Variants in CCSER1 observed in about 807,000 individuals in gnomAD.
The protein encoded by CCSER1 is serine-rich coiled-coil domain-containing protein 1.
Under a neutral mutation model 82.0 loss-of-function variants are expected in CCSER1, and 41 were observed. The ratio of observed to expected loss-of-function variants is 0.50; its 90% CI spans 0.39 to 0.65. The LOEUF (loss-of-function observed/expected upper bound fraction) is 0.65, where lower values mean the gene tolerates loss of function less well. CCSER1 is among the 30% of genes least tolerant of loss of function. The probability of loss-of-function intolerance (pLI) is 0.00; values close to 1 mark genes in which losing one functional copy is unlikely to be tolerated. For missense variants in CCSER1, 1,119 were observed against 1,064.2 expected, an observed-to-expected ratio of 1.05 and a Z score of -0.72; for synonymous variants, 414 against 383.9, an observed-to-expected ratio of 1.08 and a Z score of -0.92.
intron 10 of CCSER1, among the ~76,000 whole-genome samples, chr4:91,150,411 C>T (rs965837838): frequency 6.6e-6 from 1 of 152,166 alleles, no homozygotes; most frequent in Non-Finnish European, 1.5e-5. Context: ...AATATACAAT[C>T]ATGTCATCTG....
intron 10 of CCSER1, among the ~76,000 whole-genome samples, chr4:91,592,819 AG>A (rs1764327753): frequency 6.6e-6 from 1 of 152,020 alleles, no homozygotes; most frequent in South Asian, 2.1e-4. Flanking sequence ...CTTGTTGTAA[AG>A]CAATATTTTT....
intron 10 of CCSER1, among the ~76,000 whole-genome samples, chr4:91,230,719 T>C (rs543672374): frequency 1.3e-5 from 2 of 152,044 alleles, no homozygotes; most frequent in African/African-American, 4.8e-5. Context: ...ATTTAAAATA[T>C]AGATTTAAGA....
At chr4:90,932,602 C>G (rs1421495040) in intron 9 of CCSER1, among the ~76,000 whole-genome samples, 1 of 151,718 alleles carries the variant, frequency 6.6e-6, no homozygotes, top group Non-Finnish European at 1.5e-5. Flanking sequence ...CCCAGGCGGG[C>G]GAATCACCCG....
At chr4:91,031,793 T>G (rs993714751) in intron 9 of CCSER1, among the ~76,000 whole-genome samples, 2 of 152,152 alleles carry the variant, frequency 1.3e-5, no homozygotes, top group Non-Finnish European at 1.5e-5. Flanking sequence ...TGTAAATGAC[T>G]ACATTATAAC....
At chr4:91,179,532 C>G (rs1171897692) in intron 10 of CCSER1, among the ~76,000 whole-genome samples, 1 of 152,198 alleles carries the variant, frequency 6.6e-6, no homozygotes, top group Admixed American at 6.5e-5. Flanking sequence ...AACTTCTCCT[C>G]TCGCTTCATT....
At chr4:91,192,144 C>G (rs1338095132) in intron 10 of CCSER1, among the ~76,000 whole-genome samples, 7 of 152,320 alleles carry the variant, frequency 4.6e-5, no homozygotes, top group Middle Eastern at 3.4e-3. Flanking sequence ...CATTATCTTT[C>G]TCTCCTGAAT....
At chr4:90,771,512 C>T (rs1283140894) in intron 7 of CCSER1, among the ~76,000 whole-genome samples, 2 of 132,024 alleles carry the variant, frequency 1.5e-5, no homozygotes, top group South Asian at 2.3e-4. Context: ...AAAGGTATAA[C>T]GTTAAAACCC....
intron 1 of CCSER1, among the ~76,000 whole-genome samples, chr4:90,213,696 C>G (rs752794029): frequency 3.3e-5 from 5 of 152,084 alleles, no homozygotes; most frequent in Non-Finnish European, 7.4e-5. Flanking sequence ...GTACTCGACG[C>G]CAAGTAAGGA....
intron 10 of CCSER1, chr4:91,319,682 C>T (rs545626565): frequency 6.6e-6 from 3 of 455,870 alleles, no homozygotes; most frequent in South Asian, 3.1e-5. Flanking sequence ...CCCTTCTCCA[C>T]TTAGTCTTCT....
intron 1 of CCSER1, among the ~76,000 whole-genome samples, chr4:90,199,483 TTTG>T (rs1340648328): frequency 6.6e-6 from 1 of 152,182 alleles, no homozygotes; most frequent in Non-Finnish European, 1.5e-5. Context: ...ATGGTAATGA[TTTG>T]TTAACATGAA....
intron 7 of CCSER1, among the ~76,000 whole-genome samples, chr4:90,736,397 T>G (rs1209065679): frequency 6.6e-6 from 1 of 152,050 alleles, no homozygotes; most frequent in Non-Finnish European, 1.5e-5. Context: ...TTGTGTTGGG[T>G]GTGTATATAT....
intron 1 of CCSER1, among the ~76,000 whole-genome samples, chr4:90,218,475 A>G (rs1047868041): frequency 2.4e-4 from 36 of 152,344 alleles, no homozygotes; most frequent in East Asian, 1.2e-3. Flanking sequence ...AAAAATTGAA[A>G]AAAGAGAGAT....
chr4:90,967,936 T>A (rs1734726825), intron 9 of CCSER1, among the ~76,000 whole-genome samples: 1 of 152,002 alleles, frequency 6.6e-6, no homozygotes. Context: ...TTTATCAGCA[T>A]CACCCCTTTT....
intron 6 of CCSER1, among the ~76,000 whole-genome samples, chr4:90,638,720 C>T (rs149044942): frequency 1.7e-3 from 253 of 152,210 alleles, no homozygotes; most frequent in Non-Finnish European, 2.4e-3. Context: ...AGTATAATTC[C>T]ATGACTCTTG....
intron 10 of CCSER1, among the ~76,000 whole-genome samples, chr4:91,225,309 A>T (rs1352791287): frequency 7.8e-6 from 1 of 128,264 alleles, no homozygotes; most frequent in Admixed American, 8.3e-5. Flanking sequence ...TATATATTAT[A>T]TATGTAATAT....
intron 3 of CCSER1, among the ~76,000 whole-genome samples, chr4:90,352,231 G>T (rs1743587397): frequency 6.6e-6 from 1 of 152,122 alleles, no homozygotes; most frequent in South Asian, 2.1e-4. Flanking sequence ...GGCTGAGGCA[G>T]GAGAATGGCG....
chr4:90,133,680 C>G (rs1223654599), intron 1 of CCSER1, among the ~76,000 whole-genome samples: 3 of 152,178 alleles, frequency 2.0e-5, no homozygotes, highest in African/African-American at 7.2e-5. Flanking sequence ...TTTCAATCAT[C>G]ACTTCCCTAG....
chr4:90,806,790 CCCT>C lies in CCSER1; in HGVS notation c.2011-8970_2011-8968del, dbSNP rs553657805. On this transcript the variant is annotated intron_variant, in intron 7 of 10. Transcript: ENST00000509176. ...GTAACAGGAAATCTTAGCTATGAGCCCCTCATTTGGCTCATAGAGAATTTGTTA... is the reference window on the plus strand; with the variant it reads ...GTAACAGGAAATCTTAGCTATGAGCCCATTTGGCTCATAGAGAATTTGTTA... Among the ~76,000 whole-genome samples the C allele has an allele frequency of 1.6e-4, 24 of 152,028 alleles. No individual in the cohort carries two copies. The South Asian group carries it at 5.0e-3, about 32-fold the overall frequency.
At chr4:90,305,935 C>T (rs1289205987) in intron 1 of CCSER1, among the ~76,000 whole-genome samples, 1 of 152,160 alleles carries the variant, frequency 6.6e-6, no homozygotes, top group Non-Finnish European at 1.5e-5. Context: ...CCTAAGTGTA[C>T]ATCTGTGGAT....
Sources: gnomAD v4.1 joint callset for allele counts (sites outside exome capture counted in the v4.1 genomes callset) on GRCh38, gnomAD v4.1.1 for gene constraint, MANE v1.5 for transcripts, NCBI Gene and HGNC (gene_info 2026-07-23, HGNC 2026-07-21) for gene names.